Variants in SOX5 observed in about 807,000 individuals in gnomAD.
SOX5 encodes the protein SRY-box transcription factor 5.
In SOX5, 9 loss-of-function variants were observed where a neutral mutation model predicts 92.0. That is an observed-to-expected ratio of 0.10 (90% CI 0.06 to 0.17). The LOEUF is 0.17. Among genes scored for constraint, SOX5 ranks in the 10% least tolerant of loss-of-function variants. The pLI, the probability that SOX5 is intolerant of heterozygous loss-of-function variation, is 1.00. For synonymous variants in SOX5, 344 were observed against 336.3 expected, an observed-to-expected ratio of 1.02 and a Z score of -0.25; for missense variants, 642 against 944.5, an observed-to-expected ratio of 0.68 and a Z score of 4.20.
intron 2 of SOX5, among the ~76,000 whole-genome samples, chr12:23,883,397 A>T (rs564860597): frequency 1.3e-5 from 2 of 152,220 alleles, no homozygotes; most frequent in African/African-American, 2.4e-5. Flanking sequence ...TGAATATTAG[A>T]AACCTACAAG....
chr12:23,577,148 TATACACAC>T (rs1375478657), intron 9 of SOX5, among the ~76,000 whole-genome samples: 1 of 112,282 alleles, frequency 8.9e-6, no homozygotes, highest in Non-Finnish European at 1.9e-5. Flanking sequence ...TATATATATA[TATACACAC>T]ACACACACAC....
rs553570485 is a variant in SOX5, at chr12:24,448,207, T to A, written c.-250-79568A>T. ...ACAAGTGCAAGGCAACTGAAAGACA[T>A]GTCATATGAGATGCAACTAAAAGTA... On this transcript the variant is annotated intron_variant, in intron 1 of 4. Coordinates refer to the SOX5 transcript ENST00000446891. Among the ~76,000 whole-genome samples, 3 of 152,128 alleles carry A rather than the reference T, an allele frequency of 2.0e-5. No individual in the cohort carries two copies. In the East Asian group the frequency reaches 5.8e-4, roughly 29 times the overall value.
intron 4 of SOX5, among the ~76,000 whole-genome samples, chr12:24,055,101 G>A (rs1265247337): frequency 6.6e-6 from 1 of 152,142 alleles, no homozygotes; most frequent in Non-Finnish European, 1.5e-5. Context: ...TCAATAAAAT[G>A]GTTCTGGACA....
In SOX5 at chr12:24,501,251, G is replaced by A. The variant is rs185517509; in HGVS notation, c.-251+61078C>T. ...CATTAAGAGCAGTTTTAGCACCAAG[G>A]TTGTGATCTTGTTGAGCTTGCATTA... On this transcript the variant is annotated intron_variant, in intron 1 of 4. Transcript: ENST00000446891. Among the ~76,000 whole-genome samples the A allele has an allele frequency of 1.3e-3, 192 of 152,026 alleles. 2 individuals are homozygous for A. Among genetic ancestry groups the A allele is most frequent in the African/African-American group, 3.5e-3 (146 of 41,492 alleles).
At chr12:24,320,529 TC>T (rs1950107642) in intron 2 of SOX5, among the ~76,000 whole-genome samples, 1 of 152,168 alleles carries the variant, frequency 6.6e-6, no homozygotes, top group East Asian at 1.9e-4. Context: ...ATTTAATTTT[TC>T]TTTAATACAA....
chr12:23,976,498 C>G (rs1305861458), intron 4 of SOX5, among the ~76,000 whole-genome samples: 2 of 149,908 alleles, frequency 1.3e-5, no homozygotes, highest in African/African-American at 2.5e-5. Flanking sequence ...AGAAACAAAT[C>G]CAGGGATTGG....
chr12:24,276,573 TA>T (rs1944456556), intron 3 of SOX5, among the ~76,000 whole-genome samples: 1 of 152,200 alleles, frequency 6.6e-6, no homozygotes, highest in African/African-American at 2.4e-5. Flanking sequence ...GCATGATGAC[TA>T]GTCAATCAAT....
intron 2 of SOX5, among the ~76,000 whole-genome samples, chr12:24,298,954 G>A (rs1305660487): frequency 6.6e-6 from 1 of 151,894 alleles, no homozygotes; most frequent in Non-Finnish European, 1.5e-5. Context: ...GAAAAAGATG[G>A]CCAGGAAAGG....
chr12:23,851,254 T>G (rs988516110), intron 2 of SOX5, among the ~76,000 whole-genome samples: 3 of 152,190 alleles, frequency 2.0e-5, no homozygotes, highest in Admixed American at 6.5e-5. Flanking sequence ...ATCATTGTTT[T>G]CTTATTCAGC....
intron 4 of SOX5, among the ~76,000 whole-genome samples, chr12:23,989,562 C>G (rs1056259261): frequency 2.0e-5 from 3 of 152,158 alleles, no homozygotes; most frequent in African/African-American, 7.2e-5. Context: ...CCAAAATTCA[C>G]AGGTTGAAAC....
intron 4 of SOX5, among the ~76,000 whole-genome samples, chr12:24,046,146 G>C (rs1957000793): frequency 6.6e-6 from 1 of 152,160 alleles, no homozygotes; most frequent in Admixed American, 6.5e-5. Context: ...ACGTGACTTT[G>C]TGCTCACAGT....
At chr12:24,153,416 A>G (rs956022220) in intron 4 of SOX5, among the ~76,000 whole-genome samples, 1 of 152,116 alleles carries the variant, frequency 6.6e-6, no homozygotes. Context: ...TATTACAAAT[A>G]TGGGTTTCTT....
rs76744092 is a variant in SOX5 at position 23,968,134 on chromosome 12, G to C, written c.-1-72110C>G. Among the ~76,000 whole-genome samples the C allele has an allele frequency of 1.1e-3, 162 of 152,262 alleles. 6 individuals carry two copies. The East Asian group carries it at 0.03, about 28-fold the overall frequency. Reference sequence around the variant, plus strand: ...AATGCGGACTCTACTAGTGTTCCTAGTAGTTTCTTTGCCCCTTTTCAGCTA... The same window carrying C: ...AATGCGGACTCTACTAGTGTTCCTACTAGTTTCTTTGCCCCTTTTCAGCTA... On this transcript the variant is annotated intron_variant, in intron 4 of 4. Transcript: ENST00000446891.
At chr12:24,201,456 C>T (rs1397773457) in intron 4 of SOX5, among the ~76,000 whole-genome samples, 1 of 152,152 alleles carries the variant, frequency 6.6e-6, no homozygotes, top group African/African-American at 2.4e-5. Context: ...CCCTGGTCTA[C>T]AGTGCAAGTC....
In SOX5 at chr12:24,393,066, G is replaced by A. The variant is rs1959162719; in HGVS notation, c.-250-24427C>T. ...CAATCTTGAGTGTGTGGGGGCATAA[G>A]TATTTTTTTCTTTTCTATCTCAACC... On this transcript the variant is annotated intron_variant, in intron 1 of 4. Transcript: ENST00000446891. This position sits in a 1 kb window ranked among gnomAD's most constrained non-coding sequence, Gnocchi z 5.0. Among the ~76,000 whole-genome samples the A allele has an allele frequency of 6.6e-6, 1 of 152,088 alleles. No individual in the cohort carries two copies. The highest frequency in any genetic ancestry group is 6.6e-5 in the Admixed American group (1 of 15,266).
chr12:23,762,984 CTT>C (rs909526690), intron 3 of SOX5, among the ~76,000 whole-genome samples: 2 of 152,148 alleles, frequency 1.3e-5, no homozygotes, highest in African/African-American at 4.8e-5. Context: ...GACTACAACT[CTT>C]TGTTTTGTTC....
intron 1 of SOX5, among the ~76,000 whole-genome samples, chr12:23,921,737 C>T (rs887725794): frequency 7.2e-5 from 11 of 152,188 alleles, no homozygotes; most frequent in Non-Finnish European, 1.6e-4. Flanking sequence ...CCACAACCAC[C>T]CAGCCTTCTT....
chr12:24,348,670 C>T lies in SOX5; in HGVS notation c.-174+19893G>A, dbSNP rs79495679. ...AAGTGCTGGGATTGCAGGCATGAGA[C>T]ACCACACCCAGCCTGCTCTGTTGAC... On this transcript the variant is annotated intron_variant, in intron 2 of 4. Transcript: ENST00000446891. Among the ~76,000 whole-genome samples the T allele has an allele frequency of 0.032, 4,913 of 152,214 alleles. 577 individuals are homozygous for T. The East Asian group carries it at 0.42, about 13-fold the overall frequency.
At chr12:23,795,502 C>A (rs1430838270) in intron 3 of SOX5, among the ~76,000 whole-genome samples, 2 of 152,084 alleles carry the variant, frequency 1.3e-5, no homozygotes, top group Non-Finnish European at 2.9e-5. Context: ...TCCTTTAAGT[C>A]TTGCCTTGTG....
Sources: allele counts gnomAD v4.1 joint callset (sites outside exome capture counted in the v4.1 genomes callset), GRCh38; gene constraint gnomAD v4.1.1; non-coding constraint Gnocchi (gnomAD v3.1); transcripts MANE v1.5; gene names NCBI Gene and HGNC (gene_info 2026-07-23, HGNC 2026-07-21).